The following XKRX variants were observed in gnomAD, a reference collection of about 807,000 sequenced individuals.
XKRX encodes the protein XK related X-linked, also known as XK-related protein 2.
Under a neutral mutation model 22.4 loss-of-function variants are expected in XKRX, and 11 were observed. The observed-to-expected ratio is 0.49, with a 90% confidence interval of 0.31 to 0.81. XKRX has a LOEUF of 0.81. Ranked by LOEUF, XKRX falls within the 40% of genes least tolerant of loss-of-function variation. The pLI, the probability that XKRX is intolerant of heterozygous loss-of-function variation, is 0.05. For missense variants in XKRX, 320 were observed against 336.5 expected (o/e 0.95, Z 0.38); for synonymous variants, 114 against 132.2 (o/e 0.86, Z 0.94).
chrX:100,891,750 A>C, the XKRX span, among the ~76,000 whole-genome samples: 2 of 48,109 alleles, frequency 4.2e-5, no homozygotes, highest in Non-Finnish European at 7.2e-5. Flanking sequence ...GAAAGAAGGA[A>C]AGAAGAAAGA....
the XKRX span, chrX:100,888,720 A>AG: frequency 7.4e-6 from 2 of 271,369 alleles, no homozygotes; most frequent in Admixed American, 1.1e-4. Flanking sequence ...CTTTTTGAGA[A>AG]GGTGGCATAT....
downstream of XKRX, chrX:100,911,301 G>T: frequency 9.6e-7 from 1 of 1,044,732 alleles, no homozygotes. Flanking sequence ...CCAATACTTG[G>T]TGTAAAGAAG....
chrX:100,939,732 A>T, the XKRX span, among the ~76,000 whole-genome samples: 1 of 112,317 alleles, frequency 8.9e-6, no homozygotes, highest in Non-Finnish European at 1.9e-5. Context: ...TTCCACTATC[A>T]GTCCCCCTGA....
the XKRX span, among the ~76,000 whole-genome samples, chrX:100,937,077 T>C: frequency 9.3e-6 from 1 of 107,953 alleles, no homozygotes; most frequent in Non-Finnish European, 1.9e-5. Flanking sequence ...CCGCAGCCTC[T>C]GCCTCCCAGG....
chrX:100,910,838 G>T, downstream of XKRX: 1 of 775,141 alleles, frequency 1.3e-6, no homozygotes, highest in South Asian at 2.1e-5. Context: ...AGAAAATGAT[G>T]GTCTGAAGGC....
the XKRX span, among the ~76,000 whole-genome samples, chrX:100,958,669 G>A: frequency 5.4e-5 from 6 of 111,749 alleles, no homozygotes; most frequent in African/African-American, 1.9e-4. Context: ...CTTGCATATA[G>A]AATGTTTTGA....
the XKRX span, among the ~76,000 whole-genome samples, chrX:100,904,955 C>T: frequency 1.4e-4 from 16 of 111,896 alleles, no homozygotes; most frequent in Middle Eastern, 4.7e-3. Flanking sequence ...TGGAAACAGA[C>T]GCCTTTTGCC....
chrX:100,937,087 G>A, the XKRX span, among the ~76,000 whole-genome samples: 54 of 108,805 alleles, frequency 5.0e-4, no homozygotes, highest in African/African-American at 1.7e-3. Context: ...TGCCTCCCAG[G>A]GTCAAGCGAT....
At chrX:100,931,158 A>T (rs1490076282), upstream of XKRX, among the ~76,000 whole-genome samples, 2 of 109,587 alleles carry the variant, frequency 1.8e-5, no homozygotes, top group South Asian at 4.0e-4. Flanking sequence ...AAAAATAAAA[A>T]AAAAAAAAAA....
rs201110007 is a variant in XKRX at position 100,914,996 on chromosome X, T to C, written c.692A>G (p.Tyr231Cys). Residue 231 changes from tyrosine to cysteine, a missense_variant, in exon 3 of 3, where the codon TAC becomes TGC. Tyr to Cys is a radical substitution (Grantham distance 194). Coordinates refer to ENST00000372956, the MANE Select transcript of XKRX (RefSeq NM_212559.3). ...TTCTAGTGGCCCAAGGCGAATCTTGTAGTCATCGTACTTGATCTGGATAGC... is the reference window on the plus strand; with the variant it reads ...TTCTAGTGGCCCAAGGCGAATCTTGCAGTCATCGTACTTGATCTGGATAGC... ...MLAIQIKYDD[Y>C]KIRLGPLEVL... The C allele has an allele frequency of 1.1e-5, 13 of 1,209,985 alleles. No individual in the cohort carries two copies. Among genetic ancestry groups the C allele is most frequent in the Non-Finnish European group, 1.5e-5 (13 of 895,286 alleles).
chrX:100,902,244 T>C, the XKRX span, among the ~76,000 whole-genome samples: 1 of 111,094 alleles, frequency 9.0e-6, no homozygotes, highest in Non-Finnish European at 1.9e-5. Context: ...TTAAAATACA[T>C]CTTATCAAAA....
the XKRX span, among the ~76,000 whole-genome samples, chrX:100,950,839 A>C: frequency 8.9e-6 from 1 of 112,212 alleles, no homozygotes; most frequent in Non-Finnish European, 1.9e-5. Context: ...AAATATATAA[A>C]ACTGAATGAA....
At chrX:100,949,234 C>T in the XKRX span, among the ~76,000 whole-genome samples, 1 of 111,638 alleles carries the variant, frequency 9.0e-6, no homozygotes, top group Non-Finnish European at 1.9e-5. Flanking sequence ...GGGCAAGGTG[C>T]TTCACTTTTG....
chrX:100,942,140 G>A, the XKRX span, among the ~76,000 whole-genome samples: 4 of 111,516 alleles, frequency 3.6e-5, no homozygotes, highest in African/African-American at 6.5e-5. Context: ...GAGCCACTGC[G>A]CCCGGCTTAT....
chrX:100,900,970 T>C, the XKRX span, among the ~76,000 whole-genome samples: 1 of 109,802 alleles, frequency 9.1e-6, no homozygotes, highest in East Asian at 2.9e-4. Context: ...TTTTGTATTT[T>C]TAGTAGAGAC....
chrX:100,937,065 C>T, the XKRX span, among the ~76,000 whole-genome samples: 1 of 107,468 alleles, frequency 9.3e-6, no homozygotes, highest in Admixed American at 1.0e-4. Context: ...GATCTCTGCT[C>T]ACCGCAGCCT....
chrX:100,945,806 CAAAAAAAAAAAAA>C, the XKRX span, among the ~76,000 whole-genome samples: 204 of 31,849 alleles, frequency 6.4e-3, no homozygotes, highest in African/African-American at 0.022. Context: ...ATTCTGTCTC[CAAAAAAAAAAAAA>C]AAAAAAAAAA....
the XKRX span, among the ~76,000 whole-genome samples, chrX:100,900,937 C>T: frequency 9.2e-6 from 1 of 108,574 alleles, no homozygotes; most frequent in African/African-American, 3.4e-5. Context: ...CTACAGGAGC[C>T]CACCACCACG....
At chrX:100,887,337 A>G in the XKRX span, among the ~76,000 whole-genome samples, 8 of 111,826 alleles carry the variant, frequency 7.2e-5, no homozygotes, top group Non-Finnish European at 1.5e-4. Context: ...CGATCAGACT[A>G]TTACATTTAG....
Sources: allele counts gnomAD v4.1 joint callset (sites outside exome capture counted in the v4.1 genomes callset), GRCh38; gene constraint gnomAD v4.1.1; transcripts MANE v1.5; gene names NCBI Gene and HGNC (gene_info 2026-07-23, HGNC 2026-07-21).